The following NTRK2 variants were observed in gnomAD, a reference collection of about 807,000 sequenced individuals.
NTRK2 encodes neurotrophic receptor tyrosine kinase 2.
NTRK2 carries 13 observed loss-of-function variants against 94.5 expected under a neutral mutation model. The ratio of observed to expected loss-of-function variants is 0.14; its 90% confidence interval spans 0.09 to 0.22. The LOEUF (loss-of-function observed/expected upper bound fraction) is 0.22. NTRK2 is among the 10% of genes least tolerant of loss of function. NTRK2 has a pLI of 1.00. For synonymous variants in NTRK2, 372 were observed against 407.4 expected (o/e 0.91, Z 1.05); for missense variants, 639 against 1,071.2 (o/e 0.60, Z 5.63).
At position 84,825,656 on chromosome 9, in the gene NTRK2, A is replaced by AT. The variant is rs1444937187; in HGVS notation, c.1397-35382dup. 3.9e-5 allele frequency among the ~76,000 whole-genome samples: 6 copies of AT among 152,330 alleles called. No individual in the cohort carries two copies. The South Asian group carries it at 1.2e-3, about 32-fold the overall frequency. ...AACAGAAGCAATGACCATAACAATG[A>AT]TTATCATGATTGTTACCTATCTTCC... On this transcript the variant is annotated intron_variant, in intron 12 of 18. Coordinates refer to ENST00000277120, the MANE Select transcript of NTRK2 (RefSeq NM_006180.6).
intron 7 of NTRK2, 123 bp from the exon 8 acceptor site, chr9:84,724,101 G>C (rs2062270718): frequency 3.9e-6 from 4 of 1,023,668 alleles, no homozygotes; most frequent in Non-Finnish European, 6.0e-6. Flanking sequence ...CCCAGTTCAG[G>C]CAGAGAAGCT....
At chr9:84,668,645 A>G (rs188790617), upstream of NTRK2, 180 of 152,392 alleles carry the variant, frequency 1.2e-3, no homozygotes, top group Admixed American at 5.2e-3. Flanking sequence ...ACCCTCCCGG[A>G]TCGCCTAATT....
chr9:84,674,751 C>A (rs1316417641), intron 2 of NTRK2, among the ~76,000 whole-genome samples: 2 of 152,184 alleles, frequency 1.3e-5, no homozygotes, highest in Non-Finnish European at 2.9e-5. Flanking sequence ...TATTTACAGA[C>A]ATCAGCTTGG....
chr9:85,013,359 G>A (rs1831849270), intron 17 of NTRK2, among the ~76,000 whole-genome samples: 1 of 152,130 alleles, frequency 6.6e-6, no homozygotes, highest in Non-Finnish European at 1.5e-5. Context: ...CTGGAATGCA[G>A]TGGCGTGATG....
intron 9 of NTRK2, among the ~76,000 whole-genome samples, chr9:84,733,902 C>T (rs1293922764): frequency 2.6e-5 from 4 of 152,214 alleles, no homozygotes; most frequent in Non-Finnish European, 1.5e-5. Context: ...CACTTATTCT[C>T]AATTCAAATG....
Position 84,973,196 on chromosome 9 carries a change from G to C in NTRK2, c.2172+17679G>C, listed in dbSNP as rs146788544. 1.6e-3 allele frequency among the ~76,000 whole-genome samples: 244 copies of C among 152,344 alleles called. 2 individuals carry two copies. The highest frequency in any genetic ancestry group is 5.6e-3 in the African/African-American group (234 of 41,576). On this transcript the variant is annotated intron_variant, in intron 17 of 18. Coordinates refer to ENST00000277120, the MANE Select transcript of NTRK2 (RefSeq NM_006180.6). Reference sequence around the variant, plus strand: ...ACAGCTTTGAAGCACAGCTCACTGTGAATAATTAAGTGGCAGTAGTTAAGA... The same window carrying C: ...ACAGCTTTGAAGCACAGCTCACTGTCAATAATTAAGTGGCAGTAGTTAAGA...
intron 17 of NTRK2, among the ~76,000 whole-genome samples, chr9:84,956,235 T>A (rs1341895207): frequency 6.6e-6 from 1 of 152,160 alleles, no homozygotes; most frequent in East Asian, 1.9e-4. Flanking sequence ...TTTAGCTTGG[T>A]GAGATGGAAG....
chr9:84,843,326 T>G (rs985852411), intron 12 of NTRK2, among the ~76,000 whole-genome samples: 1 of 152,132 alleles, frequency 6.6e-6, no homozygotes, highest in South Asian at 2.1e-4. Context: ...CTTCTCTCAG[T>G]AGCCTCCCCT....
intron 5 of NTRK2, among the ~76,000 whole-genome samples, 172 bp from the exon 6 acceptor site, chr9:84,710,465 C>A (rs13293362): frequency 2.6e-5 from 4 of 152,108 alleles, no homozygotes; most frequent in African/African-American, 9.7e-5. Context: ...GGAGATGCTC[C>A]GTAAGTATCA....
At chr9:84,989,918 A>C (rs1002286440) in intron 17 of NTRK2, among the ~76,000 whole-genome samples, 1 of 152,238 alleles carries the variant, frequency 6.6e-6, no homozygotes, top group Non-Finnish European at 1.5e-5. Context: ...TTGTACCTAA[A>C]GAACATACAA....
At chr9:84,901,781 A>G (rs896278145) in intron 14 of NTRK2, among the ~76,000 whole-genome samples, 1 of 152,102 alleles carries the variant, frequency 6.6e-6, no homozygotes, top group Non-Finnish European at 1.5e-5. Flanking sequence ...CTTCTTCTCC[A>G]TGTATGTCTA....
chr9:84,841,149 G>A (rs953463367), intron 12 of NTRK2, among the ~76,000 whole-genome samples: 13 of 152,192 alleles, frequency 8.5e-5, no homozygotes, highest in Non-Finnish European at 1.9e-4. Context: ...TCTCCATGCT[G>A]GCATTGCCCA....
At chr9:84,970,070 C>T (rs920762744) in intron 17 of NTRK2, among the ~76,000 whole-genome samples, 1 of 152,172 alleles carries the variant, frequency 6.6e-6, no homozygotes, top group Admixed American at 6.5e-5. Flanking sequence ...GACTTAACCT[C>T]TCAACACTAT....
chr9:84,934,436 A>C (rs950586475), intron 15 of NTRK2, 144 bp downstream of exon 15: 1 of 908,228 alleles, frequency 1.1e-6, no homozygotes. Context: ...TTTAAACTAA[A>C]TGGACAGTGG....
chr9:84,722,285 T>C (rs925597668), intron 6 of NTRK2, among the ~76,000 whole-genome samples: 2 of 151,608 alleles, frequency 1.3e-5, no homozygotes, highest in Non-Finnish European at 2.9e-5. Flanking sequence ...CCAGATCTTA[T>C]TGGGGAATCC....
At chr9:84,900,920 A>T (rs2076907987) in intron 14 of NTRK2, among the ~76,000 whole-genome samples, 1 of 152,218 alleles carries the variant, frequency 6.6e-6, no homozygotes, top group African/African-American at 2.4e-5. Flanking sequence ...CCACATATTG[A>T]TCAAAAAACA....
At chr9:84,944,050 C>T (rs1036462210) in intron 15 of NTRK2, among the ~76,000 whole-genome samples, 30 of 152,112 alleles carry the variant, frequency 2.0e-4, no homozygotes, top group African/African-American at 7.2e-4. Flanking sequence ...AATCTCTTCT[C>T]TCAATTTCAA....
At chr9:84,948,030 T>C (rs552768131) in intron 15 of NTRK2, among the ~76,000 whole-genome samples, 1 of 152,344 alleles carries the variant, frequency 6.6e-6, no homozygotes, top group East Asian at 1.9e-4. Flanking sequence ...TGATCGTTGC[T>C]GAAGCTGGAG....
At chr9:84,955,596 T>A in intron 17 of NTRK2, 79 bp downstream of exon 17, 1 of 1,187,652 alleles carries the variant, frequency 8.4e-7, no homozygotes, top group Non-Finnish European at 1.2e-6. Context: ...GCTGAGGCTG[T>A]CATAACAAAA....
Sources: allele counts gnomAD v4.1 joint callset (sites outside exome capture counted in the v4.1 genomes callset), GRCh38; gene constraint gnomAD v4.1.1; transcripts MANE v1.5; gene names NCBI Gene and HGNC (gene_info 2026-07-23, HGNC 2026-07-21).